Variants in SNTG2 observed in about 807,000 individuals in gnomAD.
SNTG2 encodes the protein syntrophin gamma 2.
SNTG2 carries 74 observed loss-of-function variants against 70.9 expected under a neutral mutation model. The ratio of observed to expected loss-of-function variants is 1.04; its 90% confidence interval spans 0.86 to 1.27. The LOEUF is 1.27. Ranked by LOEUF, SNTG2 falls within the 50% of genes most tolerant of loss-of-function variation. The pLI is 0.00. For synonymous variants in SNTG2, 278 were observed against 273.8 expected, an observed-to-expected ratio of 1.02 and a Z score of -0.15; for missense variants, 717 against 690.7, an observed-to-expected ratio of 1.04 and a Z score of -0.43.
chr2:1,140,909 A>G (rs1343127230), intron 6 of SNTG2, among the ~76,000 whole-genome samples: 1 of 152,248 alleles, frequency 6.6e-6, no homozygotes, highest in East Asian at 1.9e-4. Context: ...AGTCCTTTTA[A>G]AAAACACGTT....
chr2:1,254,129 G>T (rs147011364), intron 12 of SNTG2, among the ~76,000 whole-genome samples: 1 of 152,204 alleles, frequency 6.6e-6, no homozygotes, highest in Non-Finnish European at 1.5e-5. Context: ...GACCCCAACC[G>T]TATCAGAAGG....
At chr2:1,193,578 G>A (rs1265032054) in intron 8 of SNTG2, among the ~76,000 whole-genome samples, 4 of 151,606 alleles carry the variant, frequency 2.6e-5, no homozygotes, top group African/African-American at 4.8e-5. Context: ...CAGGATTGCA[G>A]AATATATCTC....
chr2:1,181,658 T>G (rs1671906984), intron 8 of SNTG2, among the ~76,000 whole-genome samples: 1 of 152,138 alleles, frequency 6.6e-6, no homozygotes, highest in African/African-American at 2.4e-5. Flanking sequence ...TGAGCTACCT[T>G]ATATATTTGA....
chr2:1,142,617 G>T (rs28569237), intron 6 of SNTG2, among the ~76,000 whole-genome samples: 60,353 of 152,136 alleles, frequency 0.4, 12,280 homozygotes, highest in East Asian at 0.56. Flanking sequence ...GGAAGCTATG[G>T]CAACTCAACC....
intron 1 of SNTG2, among the ~76,000 whole-genome samples, chr2:1,024,950 G>A (rs536751929): frequency 1.3e-5 from 2 of 152,226 alleles, no homozygotes; most frequent in South Asian, 4.2e-4. Flanking sequence ...TAAATGGCAG[G>A]ATATAATGTT....
At chr2:1,336,094 G>T (rs1659802687) in intron 16 of SNTG2, among the ~76,000 whole-genome samples, 1 of 152,156 alleles carries the variant, frequency 6.6e-6, no homozygotes, top group Admixed American at 6.5e-5. Context: ...CATTGGTAAA[G>T]AGATAAATCC....
intron 14 of SNTG2, among the ~76,000 whole-genome samples, chr2:1,292,186 A>G (rs769465314): frequency 2.1e-5 from 3 of 141,598 alleles, no homozygotes; most frequent in Non-Finnish European, 4.6e-5. Context: ...TTAATTTTGA[A>G]TCCTGCAACT....
At chr2:1,061,622 C>T (rs1662830744) in intron 1 of SNTG2, among the ~76,000 whole-genome samples, 1 of 152,168 alleles carries the variant, frequency 6.6e-6, no homozygotes, top group Non-Finnish European at 1.5e-5. Context: ...ATAGCAGGCT[C>T]AAGAAATCAT....
At chr2:1,215,525 G>A (rs1031180278) in intron 9 of SNTG2, among the ~76,000 whole-genome samples, 19 of 150,400 alleles carry the variant, frequency 1.3e-4, no homozygotes, top group Non-Finnish European at 1.9e-4. Flanking sequence ...TTTTAAAAGC[G>A]TGTTTTACAC....
intron 1 of SNTG2, among the ~76,000 whole-genome samples, chr2:957,316 C>T (rs571216898): frequency 6.6e-6 from 1 of 152,148 alleles, no homozygotes; most frequent in Admixed American, 6.5e-5. Context: ...ATTTTACCAC[C>T]TCCCTGCTTG....
At chr2:1,352,165 AC>A (rs1357282064) in intron 16 of SNTG2, among the ~76,000 whole-genome samples, 2 of 152,158 alleles carry the variant, frequency 1.3e-5, no homozygotes, top group African/African-American at 4.8e-5. Flanking sequence ...ACCATGCCCA[AC>A]TGTAAAAATC....
chr2:1,286,010 G>A (rs1679749744), intron 14 of SNTG2, among the ~76,000 whole-genome samples: 2 of 152,114 alleles, frequency 1.3e-5, no homozygotes, highest in Non-Finnish European at 2.9e-5. Context: ...CAGGTCAATC[G>A]CCCCAGCCAA....
At chr2:1,252,408 C>T (rs1677822750) in intron 12 of SNTG2, among the ~76,000 whole-genome samples, 1 of 152,076 alleles carries the variant, frequency 6.6e-6, no homozygotes, top group Admixed American at 6.5e-5. Context: ...ACTGTAAATG[C>T]CTACCTGAGA....
At chr2:1,268,602 G>A (rs1361353560) in intron 14 of SNTG2, among the ~76,000 whole-genome samples, 1 of 152,152 alleles carries the variant, frequency 6.6e-6, no homozygotes, top group Non-Finnish European at 1.5e-5. Context: ...GATTCCTGAT[G>A]CTTAAAGTAA....
At chr2:954,194 G>C (rs1161070985) in intron 1 of SNTG2, among the ~76,000 whole-genome samples, 2 of 152,180 alleles carry the variant, frequency 1.3e-5, no homozygotes, top group African/African-American at 2.4e-5. Context: ...ACAGGCAGGT[G>C]CTCGTGGAAA....
At chr2:1,005,875 A>T (rs7598870) in intron 1 of SNTG2, among the ~76,000 whole-genome samples, 572 of 25,776 alleles carry the variant, frequency 0.022, 40 homozygotes, top group Middle Eastern at 0.12. Context: ...ATATATATAT[A>T]AACGTTGACA....
rs568507503 is a variant in SNTG2 at position 1,134,723 on chromosome 2, C to T, written c.326-2899C>T. 1.1e-3 allele frequency among the ~76,000 whole-genome samples: 165 copies of T among 152,324 alleles called. 1 individual carries two copies. In the South Asian group the frequency reaches 0.019, roughly 18 times the overall value. On this transcript the variant is annotated intron_variant, in intron 4 of 16. Coordinates refer to ENST00000308624, the MANE Select transcript of SNTG2 (RefSeq NM_018968.4). ...CGCCTGCCAGTCCTGCCCCTGCGCCCGCACTCCTCAGCCATTGGGTGGTTG... is the reference window on the plus strand; with the variant it reads ...CGCCTGCCAGTCCTGCCCCTGCGCCTGCACTCCTCAGCCATTGGGTGGTTG...
chr2:1,224,864 G>T (rs988090143), intron 9 of SNTG2, among the ~76,000 whole-genome samples: 4 of 152,182 alleles, frequency 2.6e-5, no homozygotes, highest in African/African-American at 7.2e-5. Context: ...GATAACTCAG[G>T]TCACAAGAGT....
chr2:1,175,249 A>G (rs1415065936), intron 8 of SNTG2, among the ~76,000 whole-genome samples: 1 of 152,208 alleles, frequency 6.6e-6, no homozygotes, highest in East Asian at 1.9e-4. Context: ...AGTAACCAGC[A>G]CCATGAGCGC....
Sources: gnomAD v4.1 joint callset for allele counts (sites outside exome capture counted in the v4.1 genomes callset) on GRCh38, gnomAD v4.1.1 for gene constraint, MANE v1.5 for transcripts, NCBI Gene and HGNC (gene_info 2026-07-23, HGNC 2026-07-21) for gene names.